CDC5L: variants seen among roughly 807,000 people sequenced by gnomAD.
The protein encoded by CDC5L is cell division cycle 5-like protein.
Under a neutral mutation model 104.1 loss-of-function variants are expected in CDC5L, and 18 were observed. The ratio of observed to expected loss-of-function variants is 0.17; its 90% confidence interval spans 0.12 to 0.26. The LOEUF (loss-of-function observed/expected upper bound fraction) is 0.26. CDC5L is among the 10% of genes least tolerant of loss of function. The pLI, the probability that CDC5L is intolerant of heterozygous loss-of-function variation, is 1.00. For synonymous variants in CDC5L, 331 were observed against 322.7 expected (o/e 1.03, Z -0.28); for missense variants, 673 against 956.9 (o/e 0.70, Z 3.91).
At chr6:44,422,551 C>A in intron 9 of CDC5L, 96 bp from the exon 10 acceptor site, 4 of 770,616 alleles carry the variant, frequency 5.2e-6, no homozygotes, top group Non-Finnish European at 6.0e-6. Context: ...TTTTTTTTTT[C>A]TATATTTCCT....
intron 4 of CDC5L, among the ~76,000 whole-genome samples, chr6:44,393,965 C>G (rs1201467742): frequency 6.6e-6 from 1 of 152,228 alleles, no homozygotes; most frequent in Non-Finnish European, 1.5e-5. Flanking sequence ...CATACCTGAT[C>G]CCCAATTCTG....
intron 8 of CDC5L, among the ~76,000 whole-genome samples, chr6:44,414,751 G>A (rs1413571857): frequency 1.3e-5 from 2 of 151,946 alleles, no homozygotes; most frequent in East Asian, 3.9e-4. Flanking sequence ...CTTTCTTGAT[G>A]TTCTCATTTG....
Position 44,426,151 on chromosome 6 carries a change from G to C in CDC5L, c.1618G>C (p.Ala540Pro). 6.2e-7 allele frequency: 1 copy of C among 1,609,342 alleles called. No individual in the cohort carries two copies. The highest frequency in any genetic ancestry group is 1.7e-4 in the Middle Eastern group (1 of 6,046). The change falls in exon 12 of 16, where the codon GCT becomes CCT. Residue 540 changes from alanine (A) to proline (P), a missense_variant. Around this residue, in one of 4 missense-constraint regions of CDC5L, gnomAD observed 578 missense variants for 737.0 expected, o/e 0.78. Coordinates refer to ENST00000371477, the MANE Select transcript of CDC5L (RefSeq NM_001253.4). ...AAAGGAAATGAAACGAATGCATAAA[G>C]CTGTCCAGAAAGATCTGCCAAGACC... ...RVKEMKRMHK[A>P]VQKDLPRPSE... is the part of the protein sequence containing the mutation.
intron 7 of CDC5L, 68 bp from the exon 8 acceptor site, chr6:44,408,376 A>G: frequency 7.8e-7 from 1 of 1,274,886 alleles, no homozygotes; most frequent in Non-Finnish European, 1.1e-6. Context: ...TGTTGGGATT[A>G]CAAGTGTGAG....
chr6:44,433,828 C>G (rs1376764470), intron 14 of CDC5L, among the ~76,000 whole-genome samples: 1 of 152,124 alleles, frequency 6.6e-6, no homozygotes, highest in South Asian at 2.1e-4. Flanking sequence ...ATCTCATTTT[C>G]TCAGTGATTT....
intron 5 of CDC5L, among the ~76,000 whole-genome samples, chr6:44,400,569 A>T (rs1043551726): frequency 2.8e-4 from 42 of 152,118 alleles, no homozygotes; most frequent in African/African-American, 9.9e-4. Context: ...TGTATTTTTA[A>T]TAAAGACAGG....
At chr6:44,434,823 C>T (rs1177783513) in intron 14 of CDC5L, among the ~76,000 whole-genome samples, 1 of 152,144 alleles carries the variant, frequency 6.6e-6, no homozygotes, top group Non-Finnish European at 1.5e-5. Context: ...ATACAGCTCC[C>T]TTTTGTAATG....
At chr6:44,422,020 G>C (rs1269906743) in intron 9 of CDC5L, among the ~76,000 whole-genome samples, 1 of 152,062 alleles carries the variant, frequency 6.6e-6, no homozygotes, top group African/African-American at 2.4e-5. Flanking sequence ...ACAGGAAATA[G>C]GCAACCAGGA....
chr6:44,436,785 A>G (rs1005153858), intron 14 of CDC5L, among the ~76,000 whole-genome samples: 2 of 152,162 alleles, frequency 1.3e-5, no homozygotes, highest in Non-Finnish European at 2.9e-5. Context: ...CGGTGCGTGA[A>G]ATTTGTCAGC....
At position 44,448,026 on chromosome 6, in the gene CDC5L, T is replaced by C. The variant is rs544015236; in HGVS notation, c.*1315T>C. ...AAAGAGACCTCTTGGAAGGCAGCTA[T>C]GCTCACCACTATACCACTGCACTGT... On this transcript the variant is annotated 3_prime_UTR_variant, in exon 16 of 16. Coordinates refer to ENST00000371477, the MANE Select transcript of CDC5L (RefSeq NM_001253.4). The C allele has an allele frequency of 1.3e-5, 2 of 152,334 alleles. No homozygotes were observed. Among genetic ancestry groups the C allele is most frequent in the East Asian group, 1.9e-4 (1 of 5,188 alleles). 9.4% of individuals were successfully genotyped at this position (152,334 alleles called of 1,614,324 possible). A position where few individuals can be genotyped will look rare whatever the true frequency, so the allele number is the denominator to read the frequency against.
At chr6:44,393,707 C>T (rs973326108) in intron 4 of CDC5L, 134 bp downstream of exon 4, 27 of 877,576 alleles carry the variant, frequency 3.1e-5, no homozygotes, top group Non-Finnish European at 4.4e-5. Context: ...CTCTGTTACC[C>T]AGGCTGGAAT....
chr6:44,431,878 C>G (rs1033610494), intron 14 of CDC5L, among the ~76,000 whole-genome samples: 4 of 152,174 alleles, frequency 2.6e-5, no homozygotes, highest in African/African-American at 9.7e-5. Context: ...TGAAATCTTC[C>G]GTTGAACTAT....
chr6:44,427,304 G>T (rs1792468220), intron 13 of CDC5L, among the ~76,000 whole-genome samples: 1 of 152,138 alleles, frequency 6.6e-6, no homozygotes, highest in Admixed American at 6.5e-5. Flanking sequence ...GCAAACAACT[G>T]TGATTGTAAA....
At chr6:44,427,629 A>G (rs1999371) in intron 13 of CDC5L, among the ~76,000 whole-genome samples, 8,415 of 152,220 alleles carry the variant, frequency 0.055, 469 homozygotes, top group Admixed American at 0.18. Flanking sequence ...GAGGGTTTCG[A>G]TTTATATTTC....
Position 44,445,712 on chromosome 6 carries a change from A to G in CDC5L, c.2149A>G (p.Met717Val). ...GAGGGCTGCAAAGATGGAAAAGAAGATGAAAATTTTGCTTGGGGGTTACCA... is the reference window on the plus strand; with the variant it reads ...GAGGGCTGCAAAGATGGAAAAGAAGGTGAAAATTTTGCTTGGGGGTTACCA... ...AKRAAKMEKK[M>V]KILLGGYQSR... Residue 717 changes from methionine (M) to valine (V), a missense_variant, in exon 15 of 16, where the codon ATG becomes GTG. Around this residue, in one of 4 missense-constraint regions of CDC5L, gnomAD observed 578 missense variants for 737.0 expected, o/e 0.78. Transcript: ENST00000371477. 1 of 1,614,132 alleles carries G rather than the reference A, an allele frequency of 6.2e-7. No homozygotes were observed. The highest frequency in any genetic ancestry group is 8.5e-7 in the Non-Finnish European group (1 of 1,180,010).
At chr6:44,443,077 C>G (rs1454648732) in intron 14 of CDC5L, among the ~76,000 whole-genome samples, 1 of 151,124 alleles carries the variant, frequency 6.6e-6, no homozygotes, top group East Asian at 1.9e-4. Flanking sequence ...CCTGTCCTGT[C>G]CCTGTCTCTC....
rs529840018 is a variant in CDC5L, at chr6:44,410,117, T to A, written c.1092+1485T>A. 7.9e-5 allele frequency among the ~76,000 whole-genome samples: 12 copies of A among 152,308 alleles called. No homozygotes were observed. The South Asian group carries it at 2.5e-3, about 32-fold the overall frequency. On this transcript the variant is annotated intron_variant, in intron 8 of 15. Coordinates refer to ENST00000371477, the MANE Select transcript of CDC5L (RefSeq NM_001253.4). ...AAATCTACCCTTAGCAATGTTCAAA[T>A]GTACAGTGTACTGTTATTCACTATA...
chr6:44,406,287 A>G (rs1791361282), intron 6 of CDC5L, 36 bp from the exon 7 acceptor site: 4 of 1,505,400 alleles, frequency 2.7e-6, no homozygotes, highest in Non-Finnish European at 3.6e-6. Flanking sequence ...GCTATATGTA[A>G]CTTAAAAATC....
At chr6:44,434,775 C>T (rs2153383007) in intron 14 of CDC5L, among the ~76,000 whole-genome samples, 1 of 152,252 alleles carries the variant, frequency 6.6e-6, no homozygotes, top group South Asian at 2.1e-4. Flanking sequence ...CCTTAACAAA[C>T]TTAGCTTGAA....
Sources: allele counts gnomAD v4.1 joint callset (sites outside exome capture counted in the v4.1 genomes callset), GRCh38; gene constraint gnomAD v4.1.1; regional missense constraint gnomAD v4.1.1; transcripts MANE v1.5; gene names NCBI Gene and HGNC (gene_info 2026-07-23, HGNC 2026-07-21).